PHLPP1: variants seen among roughly 807,000 people sequenced by gnomAD.
PHLPP1 encodes PH domain leucine-rich repeat-containing protein phosphatase 1.
A neutral mutation model predicts 117.2 loss-of-function variants in PHLPP1; 42 were observed. That is an observed-to-expected ratio of 0.36 (90% CI 0.28 to 0.46). The LOEUF (loss-of-function observed/expected upper bound fraction) is 0.46. Ranked by LOEUF, PHLPP1 falls within the 20% of genes least tolerant of loss-of-function variation. The probability of loss-of-function intolerance (pLI) is 1.00; values close to 1 mark genes in which losing one functional copy is unlikely to be tolerated. For synonymous variants in PHLPP1, 1,042 were observed against 970.7 expected (o/e 1.07, Z -1.37); for missense variants, 2,084 against 2,241.9 (o/e 0.93, Z 1.42).
intron 4 of PHLPP1, among the ~76,000 whole-genome samples, chr18:62,881,643 C>T (rs1916177193): frequency 6.6e-6 from 1 of 152,166 alleles, no homozygotes; most frequent in South Asian, 2.1e-4. Context: ...AAGCTGGTTG[C>T]ATGCCACATT....
intron 12 of PHLPP1, among the ~76,000 whole-genome samples, chr18:62,945,828 G>A (rs1027458564): frequency 7.2e-5 from 11 of 152,202 alleles, no homozygotes; most frequent in African/African-American, 2.4e-4. Flanking sequence ...AGGACACTGA[G>A]GTGCTGAAAA....
intron 3 of PHLPP1, among the ~76,000 whole-genome samples, chr18:62,846,209 CAAAAAAA>C (rs34577472): frequency 1.3e-5 from 1 of 78,678 alleles, no homozygotes; most frequent in African/African-American, 5.2e-5. Flanking sequence ...AACTCCATCT[CAAAAAAA>C]AAAAAAAAAA....
chr18:62,957,631 G>GT (rs965149315), intron 12 of PHLPP1, among the ~76,000 whole-genome samples: 27 of 149,388 alleles, frequency 1.8e-4, no homozygotes, highest in South Asian at 6.4e-4. Flanking sequence ...GTTTTGTTTT[G>GT]TTTTTTTTGA....
chr18:62,764,299 C>A (rs1912381770), intron 1 of PHLPP1, among the ~76,000 whole-genome samples: 1 of 152,078 alleles, frequency 6.6e-6, no homozygotes, highest in Non-Finnish European at 1.5e-5. Context: ...TCTTTCTCAC[C>A]TTTCATTTGT....
intron 1 of PHLPP1, among the ~76,000 whole-genome samples, chr18:62,756,694 T>C (rs1324637154): frequency 3.9e-5 from 6 of 152,186 alleles, no homozygotes; most frequent in African/African-American, 1.4e-4. Context: ...CGGATACTTT[T>C]TCTTAAGAAA....
At chr18:62,854,438 C>G (rs1176401140) in intron 3 of PHLPP1, among the ~76,000 whole-genome samples, 1 of 152,170 alleles carries the variant, frequency 6.6e-6, no homozygotes, top group East Asian at 1.9e-4. Flanking sequence ...GGGGATTCAC[C>G]CCTCCTCGGA....
intron 4 of PHLPP1, among the ~76,000 whole-genome samples, chr18:62,887,280 G>GT (rs1433819348): frequency 9.2e-5 from 14 of 151,960 alleles, no homozygotes; most frequent in Admixed American, 4.6e-4. Context: ...CTCTGGGCCT[G>GT]TTTTTTTTAT....
At chr18:62,905,759 C>T (rs1019808435) in intron 8 of PHLPP1, among the ~76,000 whole-genome samples, 1 of 152,122 alleles carries the variant, frequency 6.6e-6, no homozygotes, top group African/African-American at 2.4e-5. Context: ...GAAATAATGA[C>T]AAAGCCTATC....
chr18:62,888,900 C>T (rs1916348133), intron 4 of PHLPP1, among the ~76,000 whole-genome samples: 1 of 152,186 alleles, frequency 6.6e-6, no homozygotes, highest in South Asian at 2.1e-4. Context: ...GATCTCTTAT[C>T]TCTCATAACT....
chr18:62,892,198 C>T (rs1308477691), intron 4 of PHLPP1, among the ~76,000 whole-genome samples: 4 of 150,170 alleles, frequency 2.7e-5, no homozygotes, highest in South Asian at 4.3e-4. Context: ...AAGCGATTCT[C>T]CTGCCTCAGC....
chr18:62,844,250 T>C (rs1197898265), intron 3 of PHLPP1, among the ~76,000 whole-genome samples: 1 of 152,098 alleles, frequency 6.6e-6, no homozygotes, highest in Non-Finnish European at 1.5e-5. Flanking sequence ...GGCAGGAGAA[T>C]CGCTTTTGAA....
Position 62,978,231 on chromosome 18 carries a change from ACTGT to A in PHLPP1, c.3985-23_3985-20del, listed in dbSNP as rs1158577438. The A allele has an allele frequency of 4.3e-6, 6 of 1,386,568 alleles. No homozygotes were observed. Among genetic ancestry groups the A allele is most frequent in the Admixed American group, 1.8e-5 (1 of 54,488 alleles). 85.9% of individuals were successfully genotyped at this position (1,386,568 alleles called of 1,614,324 possible). On this transcript the variant is annotated intron_variant, in intron 16 of 16. Coordinates refer to ENST00000262719, the MANE Select transcript of PHLPP1 (RefSeq NM_194449.4). This position sits in a 1 kb window ranked among gnomAD's most constrained non-coding sequence, Gnocchi z 7.0. ...CAGTTGCCGCAGGTGCTCTGTATTA[ACTGT>A]CTGTCTGCAAACCCTTGTTCTTCCA...
At chr18:62,855,686 A>G (rs1305868285) in intron 3 of PHLPP1, among the ~76,000 whole-genome samples, 1 of 152,192 alleles carries the variant, frequency 6.6e-6, no homozygotes, top group African/African-American at 2.4e-5. Context: ...CCTTGTTTCC[A>G]GCAGAAACAG....
chr18:62,721,449 T>G (rs755348495), intron 1 of PHLPP1, among the ~76,000 whole-genome samples: 1 of 152,138 alleles, frequency 6.6e-6, no homozygotes, highest in Non-Finnish European at 1.5e-5. Flanking sequence ...TGTGTGTGTG[T>G]GTGTGTGTAT....
chr18:62,717,070 C>T lies in PHLPP1; in HGVS notation c.1387C>T (p.Pro463Ser), dbSNP rs1253810174. Residue 463 changes from proline to serine, a missense_variant, in exon 1 of 17, where the codon CCT (proline) becomes TCT (serine). Pro to Ser is a moderately conservative substitution (Grantham distance 74, BLOSUM62 -1). This residue lies in a region of PHLPP1 where 1,365 missense variants were observed against 1,605.9 expected (regional missense o/e 0.85). Coordinates refer to ENST00000262719, the MANE Select transcript of PHLPP1 (RefSeq NM_194449.4). The stretch of plus-strand genomic sequence containing the variant: ...GAGCGGGGTGACCGCGGAGAAGGCG[C>T]CTCCGCCGCCCCCGCCGCCCACCCT... ...GRSGVTAEKA[P>S]PPPPPPTLYV... The T allele has an allele frequency of 6.5e-7, 1 of 1,539,204 alleles. No individual in the cohort carries two copies. The highest frequency in any genetic ancestry group is 8.8e-7 in the Non-Finnish European group (1 of 1,139,410).
At chr18:62,746,112 T>G (rs1911665126) in intron 1 of PHLPP1, among the ~76,000 whole-genome samples, 1 of 152,158 alleles carries the variant, frequency 6.6e-6, no homozygotes, top group South Asian at 2.1e-4. Flanking sequence ...GGCGTGATCT[T>G]GGCTCACCGC....
intron 3 of PHLPP1, among the ~76,000 whole-genome samples, chr18:62,855,857 C>T (rs908530746): frequency 3.3e-5 from 5 of 152,102 alleles, no homozygotes; most frequent in Non-Finnish European, 5.9e-5. Flanking sequence ...ATGCAGAGGC[C>T]GCCTGGTGAG....
intron 4 of PHLPP1, among the ~76,000 whole-genome samples, chr18:62,874,997 C>G (rs1303050716): frequency 6.6e-6 from 1 of 152,246 alleles, no homozygotes; most frequent in African/African-American, 2.4e-5. Flanking sequence ...CTCTGCCACT[C>G]AGGCTGGAGT....
intron 2 of PHLPP1, among the ~76,000 whole-genome samples, chr18:62,836,296 G>C (rs1319034923): frequency 6.6e-6 from 1 of 151,474 alleles, no homozygotes; most frequent in African/African-American, 2.4e-5. Flanking sequence ...TGGTGGCGCA[G>C]TGGCAGGCGC....
Sources: gnomAD v4.1 joint callset for allele counts (sites outside exome capture counted in the v4.1 genomes callset) on GRCh38, gnomAD v4.1.1 for gene constraint, gnomAD v4.1.1 regional missense constraint, Gnocchi (gnomAD v3.1) non-coding constraint, MANE v1.5 for transcripts, NCBI Gene and HGNC (gene_info 2026-07-23, HGNC 2026-07-21) for gene names.